Variants in GIGYF2 observed in about 807,000 individuals in gnomAD.
The protein encoded by GIGYF2 is GRB10 interacting GYF protein 2, also known as GRB10-interacting GYF protein 2.
In GIGYF2, 25 loss-of-function variants were observed where a neutral mutation model predicts 208.1. The ratio of observed to expected loss-of-function variants is 0.12; its 90% CI spans 0.09 to 0.17. The LOEUF (loss-of-function observed/expected upper bound fraction) is 0.17, where lower values mean the gene tolerates loss of function less well. Among genes scored for constraint, GIGYF2 ranks in the 10% least tolerant of loss-of-function variants. The pLI is 1.00. For missense variants in GIGYF2, 1,302 were observed against 1,579.4 expected, an observed-to-expected ratio of 0.82 and a Z score of 2.98; for synonymous variants, 534 against 543.8, an observed-to-expected ratio of 0.98 and a Z score of 0.25.
chr2:232,710,570 GCAGT>G (rs1287110870), intron 2 of GIGYF2, among the ~76,000 whole-genome samples: 2 of 152,154 alleles, frequency 1.3e-5, no homozygotes, highest in Non-Finnish European at 2.9e-5. Context: ...AGTGAGAGAG[GCAGT>G]CAAACAATCA....
At chr2:232,720,365 A>G (rs922553820) in intron 2 of GIGYF2, among the ~76,000 whole-genome samples, 10 of 152,112 alleles carry the variant, frequency 6.6e-5, no homozygotes, top group Admixed American at 5.2e-4. Flanking sequence ...GTTGGTTTCA[A>G]GTCTTTGCTA....
rs776111193 is a variant in GIGYF2 at position 232,794,739 on chromosome 2, T to C, written c.1283-9T>C. 5 of 1,607,850 alleles carry C rather than the reference T, an allele frequency of 3.1e-6. No individual in the cohort carries two copies. The highest frequency in any genetic ancestry group is 2.7e-5 in the African/African-American group (2 of 74,752). Reference sequence around the variant, plus strand: ...TTCAAAGGATTTTCATCTGATTTTTTCCCCCTAGAAATGGTTGCTGATGTC... The same window carrying C: ...TTCAAAGGATTTTCATCTGATTTTTCCCCCCTAGAAATGGTTGCTGATGTC... On this transcript the variant is annotated splice_polypyrimidine_tract_variant and intron_variant, in intron 12 of 28. Transcript: ENST00000373563.
chr2:232,781,258 C>G (rs2592105), intron 8 of GIGYF2, among the ~76,000 whole-genome samples: 46,039 of 148,376 alleles, frequency 0.31, 7,545 homozygotes, highest in South Asian at 0.63. Flanking sequence ...CATGCCTGAC[C>G]TGTTATTTAT....
intron 2 of GIGYF2, among the ~76,000 whole-genome samples, chr2:232,711,972 A>C (rs1696437977): frequency 6.6e-6 from 1 of 151,884 alleles, no homozygotes; most frequent in African/African-American, 2.4e-5. Context: ...TGTTGAATGG[A>C]TATCTTACAT....
chr2:232,770,780 C>T, intron 8 of GIGYF2: 1 of 706,648 alleles, frequency 1.4e-6, no homozygotes. Flanking sequence ...TACCTGCTAT[C>T]AATATAGATA....
chr2:232,827,747 A>T (rs970259911), intron 21 of GIGYF2, among the ~76,000 whole-genome samples: 1 of 152,086 alleles, frequency 6.6e-6, no homozygotes, highest in African/African-American at 2.4e-5. Flanking sequence ...ATCTTTTTCT[A>T]GTTTCTTAAG....
In GIGYF2 at chr2:232,756,287, G is replaced by A. The variant is rs1425126847; in HGVS notation, c.332G>A (p.Gly111Glu). Residue 111 changes from glycine to glutamate, a missense_variant, in exon 6 of 29, where the codon GGA becomes GAA. Coordinates refer to ENST00000373563, the MANE Select transcript of GIGYF2 (RefSeq NM_001103146.3). ...VLRLTGRGGG[G>E]TVVGAPRGRS... ...CGATTGACAGGACGAGGAGGAGGAG[G>A]AACAGTGGTGGGGGCTCCTAGAGGT... The A allele has an allele frequency of 6.3e-7, 1 of 1,594,054 alleles. No individual in the cohort carries two copies. The highest frequency in any genetic ancestry group is 2.2e-5 in the East Asian group (1 of 44,608).
At chr2:232,705,265 T>C (rs906306202) in intron 2 of GIGYF2, among the ~76,000 whole-genome samples, 5 of 152,344 alleles carry the variant, frequency 3.3e-5, no homozygotes, top group African/African-American at 9.6e-5. Flanking sequence ...ATTAGAGTAG[T>C]AGTGGGGACC....
chr2:232,827,036 A>G (rs886991520), intron 21 of GIGYF2, among the ~76,000 whole-genome samples: 1 of 152,188 alleles, frequency 6.6e-6, no homozygotes, highest in Non-Finnish European at 1.5e-5. Flanking sequence ...AGAAGATATC[A>G]TCTAGGACTT....
chr2:232,823,670 A>G (rs1349616590), intron 21 of GIGYF2, among the ~76,000 whole-genome samples: 1 of 152,002 alleles, frequency 6.6e-6, no homozygotes, highest in Non-Finnish European at 1.5e-5. Context: ...ATTTTCTTGT[A>G]ATGCTTTTGT....
intron 8 of GIGYF2, 77 bp from the exon 9 acceptor site, chr2:232,787,073 T>G (rs577113116): frequency 9.6e-7 from 1 of 1,046,976 alleles, no homozygotes; most frequent in Admixed American, 1.7e-5. Context: ...GAAAGCTTGA[T>G]TTGAGCTGTG....
At chr2:232,775,396 TAAAC>T (rs1368936505) in intron 8 of GIGYF2, among the ~76,000 whole-genome samples, 1 of 152,238 alleles carries the variant, frequency 6.6e-6, no homozygotes, top group African/African-American at 2.4e-5. Flanking sequence ...CAGACTTATG[TAAAC>T]AAACATATTT....
At chr2:232,771,052 G>A (rs2106339436) in intron 8 of GIGYF2, 1 of 1,614,060 alleles carries the variant, frequency 6.2e-7, no homozygotes, top group African/African-American at 1.3e-5. Flanking sequence ...TGTGAAACTG[G>A]TGATATACTT....
At chr2:232,743,377 A>G (rs1182060736) in intron 3 of GIGYF2, among the ~76,000 whole-genome samples, 4 of 152,230 alleles carry the variant, frequency 2.6e-5, no homozygotes, top group African/African-American at 9.7e-5. Flanking sequence ...TTAAATTTCT[A>G]GAAGAGAGGG....
rs1559438797 is a variant in GIGYF2, at chr2:232,796,170, C to G, written c.1588C>G (p.His530Asp). 6.2e-7 allele frequency: 1 copy of G among 1,603,200 alleles called. No homozygotes were observed. Among genetic ancestry groups the G allele is most frequent in the Non-Finnish European group, 8.5e-7 (1 of 1,170,064 alleles). ...TAAAGGAGTGTCGATTCCATTGATG[C>G]ATGAAGCAATGCAGAAGTGGTATTA... is the stretch of plus-strand genomic sequence containing the variant. ...RAKGVSIPLM[H>D]EAMQKWYYKD... is the part of the protein sequence containing the mutation. Residue 530 changes from histidine to aspartate, a missense_variant, in exon 14 of 29, where the codon CAT becomes GAT. By Grantham distance (81) the His-to-Asp change is moderately conservative (BLOSUM62 -1). This residue lies in a region of GIGYF2 where 69 missense variants were observed against 132.8 expected (regional missense o/e 0.52). Coordinates refer to ENST00000373563, the MANE Select transcript of GIGYF2 (RefSeq NM_001103146.3).
Position 232,795,966 on chromosome 2 carries a change from AAGT to A in GIGYF2, c.1480-92_1480-90del, listed in dbSNP as rs560592079. The A allele has an allele frequency of 5.3e-5, 45 of 850,622 alleles. No homozygotes were observed. In the East Asian group the frequency reaches 1.1e-3, roughly 20 times the overall value. The allele number at this position is 850,622 out of a possible 1,614,324, so 52.7% of individuals were successfully genotyped here. A position where few individuals can be genotyped will look rare whatever the true frequency, so the allele number is the denominator to read the frequency against. On this transcript the variant is annotated intron_variant, in intron 13 of 28. Transcript: ENST00000373563. ...CTTTGCATAGTGACTTTCATAGATCAAGTAGTCCAAAAAAAAGGGGCAGGCACT... is the reference window on the plus strand; with the variant it reads ...CTTTGCATAGTGACTTTCATAGATCAAGTCCAAAAAAAAGGGGCAGGCACT...
chr2:232,814,562 CAAA>C (rs1700846315), intron 18 of GIGYF2, among the ~76,000 whole-genome samples: 1 of 69,352 alleles, frequency 1.4e-5, no homozygotes, highest in Non-Finnish European at 2.9e-5. Flanking sequence ...GACTCCACCT[CAAA>C]CCCCCCCCCC....
In GIGYF2 at chr2:232,821,446, G is replaced by A. The variant is rs1006559735; in HGVS notation, c.2529+1461G>A. 3.9e-5 allele frequency among the ~76,000 whole-genome samples: 6 copies of A among 152,328 alleles called. No homozygotes were observed. The South Asian group carries it at 1.2e-3, about 32-fold the overall frequency. ...AACTCCTGACCTCAGGTGATCGCTT[G>A]CCTTGGCCTCCTAAAGTGTTGAGGT... is the stretch of plus-strand genomic sequence containing the variant. On this transcript the variant is annotated intron_variant, in intron 21 of 28. Transcript: ENST00000373563.
chr2:232,747,496 A>T, intron 3 of GIGYF2, 119 bp from the exon 4 acceptor site: 1 of 1,052,068 alleles, frequency 9.5e-7, no homozygotes, highest in Non-Finnish European at 1.5e-6. Context: ...ATACTTTGAG[A>T]TAGTAGGATT....
Sources: gnomAD v4.1 joint callset for allele counts (sites outside exome capture counted in the v4.1 genomes callset) on GRCh38, gnomAD v4.1.1 for gene constraint, gnomAD v4.1.1 regional missense constraint, MANE v1.5 for transcripts, NCBI Gene and HGNC (gene_info 2026-07-23, HGNC 2026-07-21) for gene names.